Variants in SPRYD3 observed in about 807,000 individuals in gnomAD.
SPRYD3 encodes SPRY domain containing 3.
Under a neutral mutation model 50.1 loss-of-function variants are expected in SPRYD3, and 17 were observed. That is an observed-to-expected ratio of 0.34 (90% CI 0.23 to 0.51). SPRYD3 has a LOEUF of 0.51. SPRYD3 is among the 20% of genes least tolerant of loss of function. The probability of loss-of-function intolerance (pLI) is 0.97; values close to 1 mark genes in which losing one functional copy is unlikely to be tolerated. For synonymous variants in SPRYD3, 198 were observed against 215.5 expected (o/e 0.92, Z 0.71); for missense variants, 401 against 591.2 (o/e 0.68, Z 3.34).
At chr12:53,079,198 G>A (rs1260292090) in intron 1 of SPRYD3, 113 bp downstream of exon 1, 1 of 1,149,628 alleles carries the variant, frequency 8.7e-7, no homozygotes, top group African/African-American at 1.5e-5. Context: ...CCAGTGACCA[G>A]AGCGCAGGGC....
chr12:53,073,256 G>GCCCCCGGGGGGGGGGGGGCC, intron 6 of SPRYD3, 30 bp downstream of exon 6: 4 of 424,130 alleles, frequency 9.4e-6, no homozygotes, highest in Non-Finnish European at 1.3e-5. Context: ...CTCCGACCCA[G>GCCCCCGGGGGGGGGGGGGCC]CCCCTCCCAC....
intron 6 of SPRYD3, among the ~76,000 whole-genome samples, chr12:53,071,958 G>A (rs1342172789): frequency 6.6e-6 from 1 of 152,094 alleles, no homozygotes; most frequent in East Asian, 1.9e-4. Context: ...TGGGGGGAGG[G>A]TGGGGAGGAA....
At chr12:53,068,062 C>T (rs1253751276) in intron 7 of SPRYD3, 93 bp downstream of exon 7, 1 of 1,459,300 alleles carries the variant, frequency 6.9e-7, no homozygotes, top group South Asian at 1.2e-5. Flanking sequence ...AGCCTGGGCT[C>T]CCCTGGTTTC....
chr12:53,076,482 C>T (rs1472962899), intron 2 of SPRYD3, among the ~76,000 whole-genome samples: 1 of 152,238 alleles, frequency 6.6e-6, no homozygotes. Flanking sequence ...CCACTCTTCA[C>T]TAGATCTAAT....
At chr12:53,071,561 TC>T (rs1944549845) in intron 6 of SPRYD3, among the ~76,000 whole-genome samples, 1 of 151,744 alleles carries the variant, frequency 6.6e-6, no homozygotes, top group African/African-American at 2.4e-5. Context: ...TCTGTCTATA[TC>T]CAAAGACTCA....
At chr12:53,071,878 A>C (rs1016930895) in intron 6 of SPRYD3, among the ~76,000 whole-genome samples, 3 of 152,040 alleles carry the variant, frequency 2.0e-5, no homozygotes, top group Admixed American at 6.5e-5. Flanking sequence ...TGAGGGTCTG[A>C]GAGAAGGGCC....
At position 53,068,369 on chromosome 12, in the gene SPRYD3, C is replaced by T. The variant is rs181948473; in HGVS notation, c.694-65G>A. 2.9e-3 allele frequency: 4,558 copies of T among 1,582,908 alleles called. 10 individuals carry two copies. The highest frequency in any genetic ancestry group is 3.7e-3 in the Non-Finnish European group (4,356 of 1,163,200). ...GACACCCACCCTGGAAACCTGGGCC[C>T]AAGGCAGTCTGGGTCCCACTTTCCC... On this transcript the variant is annotated intron_variant, in intron 6 of 10. Coordinates refer to ENST00000301463, the MANE Select transcript of SPRYD3 (RefSeq NM_032840.3).
At chr12:53,075,378 T>C (rs545017908) in intron 3 of SPRYD3, among the ~76,000 whole-genome samples, 159 bp from the exon 4 acceptor site, 1 of 152,256 alleles carries the variant, frequency 6.6e-6, no homozygotes, top group Admixed American at 6.5e-5. Flanking sequence ...AGGGGGCAAT[T>C]GGTGAGAGTG....
chr12:53,066,547 TG>T (rs776574425), intron 9 of SPRYD3, 25 bp downstream of exon 9: 1 of 1,613,962 alleles, frequency 6.2e-7, no homozygotes, highest in African/African-American at 1.3e-5. Flanking sequence ...CCAAGCAGCC[TG>T]GCTGGCCACC....
chr12:53,076,948 T>TAA (rs552570899), intron 2 of SPRYD3, among the ~76,000 whole-genome samples, 167 bp downstream of exon 2: 1 of 138,274 alleles, frequency 7.2e-6, no homozygotes. Context: ...GACTCTGTCT[T>TAA]AAAAAAAAAA....
intron 10 of SPRYD3, 116 bp downstream of exon 10, chr12:53,066,198 G>A: frequency 6.6e-7 from 1 of 1,525,310 alleles, no homozygotes. Context: ...CAGCCCTTGG[G>A]CAACGCCAGA....
intron 2 of SPRYD3, among the ~76,000 whole-genome samples, chr12:53,076,713 C>G (rs547375910): frequency 2.0e-5 from 3 of 152,320 alleles, no homozygotes; most frequent in Admixed American, 2.0e-4. Flanking sequence ...AGAAAGGCCT[C>G]TGGGCGGGTG....
In SPRYD3 at chr12:53,066,812, A is replaced by C. The variant is rs936832652; in HGVS notation, c.902-120T>G. On this transcript the variant is annotated intron_variant, in intron 8 of 10. Transcript: ENST00000301463. ...CAGAGGAAGGGAAGGGTCAGGGCGGAAACAAAGATGGAGAGAGAGGCCGGG... is the reference window on the plus strand; with the variant it reads ...CAGAGGAAGGGAAGGGTCAGGGCGGCAACAAAGATGGAGAGAGAGGCCGGG... 6 of 1,327,208 alleles carry C rather than the reference A, an allele frequency of 4.5e-6. 1 individual carries two copies. Among genetic ancestry groups the C allele is most frequent in the Middle Eastern group, 2.2e-4 (1 of 4,628 alleles). 82.2% of individuals were successfully genotyped at this position (1,327,208 alleles called of 1,614,324 possible).
chr12:53,075,668 C>T lies in SPRYD3; in HGVS notation c.246+68G>A. 4.7e-6 allele frequency: 6 copies of T among 1,274,310 alleles called. No homozygotes were observed. The East Asian group carries it at 9.3e-5, about 20-fold the overall frequency. The allele number at this position is 1,274,310 out of a possible 1,614,324, so 78.9% of individuals were successfully genotyped here. On this transcript the variant is annotated intron_variant, in intron 3 of 10. Transcript: ENST00000301463. ...CCAGGTCATACATCTAGTAAAGGAGCTTCTTGGGGCTTAATGATCTCACCC... is the reference window on the plus strand; with the variant it reads ...CCAGGTCATACATCTAGTAAAGGAGTTTCTTGGGGCTTAATGATCTCACCC...
chr12:53,069,110 G>C (rs1345308776), intron 6 of SPRYD3, among the ~76,000 whole-genome samples: 1 of 152,072 alleles, frequency 6.6e-6, no homozygotes, highest in African/African-American at 2.4e-5. Context: ...GTCCTGCCTG[G>C]GCACGACGGG....
chr12:53,075,960 CAGATACTTA>C, intron 2 of SPRYD3, 149 bp from the exon 3 acceptor site: 1 of 675,568 alleles, frequency 1.5e-6, no homozygotes, highest in Middle Eastern at 4.0e-4. Flanking sequence ...ACATCAGAAC[CAGATACTTA>C]AGGTCACCTC....
At chr12:53,069,955 C>T (rs559548931) in intron 6 of SPRYD3, among the ~76,000 whole-genome samples, 1 of 152,178 alleles carries the variant, frequency 6.6e-6, no homozygotes, top group African/African-American at 2.4e-5. Context: ...AAAAGACAGC[C>T]GATCCAGACC....
At chr12:53,076,638 A>C (rs1189106015) in intron 2 of SPRYD3, among the ~76,000 whole-genome samples, 3 of 152,190 alleles carry the variant, frequency 2.0e-5, no homozygotes, top group African/African-American at 7.2e-5. Flanking sequence ...CTGGATGAGG[A>C]CAGAGCCACC....
Position 53,073,487 on chromosome 12 carries a change from A to T in SPRYD3, c.508-16T>A. On this transcript the variant is annotated splice_polypyrimidine_tract_variant and intron_variant, in intron 5 of 10. Transcript: ENST00000301463. ...TAGAGCCCACCTGCAGTGGGGGGAA[A>T]GACGGAGCTGCCACCCGGCCTGCTT... The T allele has an allele frequency of 6.6e-7, 1 of 1,517,120 alleles. No individual in the cohort carries two copies. Among genetic ancestry groups the T allele is most frequent in the South Asian group, 1.2e-5 (1 of 82,392 alleles). The allele number at this position is 1,517,120 out of a possible 1,614,324, so 94.0% of individuals were successfully genotyped here.
Sources: allele counts gnomAD v4.1 joint callset (sites outside exome capture counted in the v4.1 genomes callset), GRCh38; gene constraint gnomAD v4.1.1; transcripts MANE v1.5; gene names NCBI Gene and HGNC (gene_info 2026-07-23, HGNC 2026-07-21).